UTS2B: variants seen among roughly 807,000 people sequenced by gnomAD.
UTS2B encodes urotensin-2B.
A neutral mutation model predicts 19.2 loss-of-function variants in UTS2B; 21 were observed. That is an observed-to-expected ratio of 1.09 (90% CI 0.78 to 1.58). UTS2B has a LOEUF of 1.58. UTS2B is among the 40% of genes most tolerant of loss of function. The pLI, the probability that UTS2B is intolerant of heterozygous loss-of-function variation, is 0.00. For missense variants in UTS2B, 138 were observed against 130.3 expected, an observed-to-expected ratio of 1.06 and a Z score of -0.29; for synonymous variants, 57 against 50.2, an observed-to-expected ratio of 1.14 and a Z score of -0.58.
chr3:191,329,626 G>C (rs552812594), intron 1 of UTS2B: 4 of 1,582,028 alleles, frequency 2.5e-6, no homozygotes, highest in Non-Finnish European at 2.6e-6. Flanking sequence ...CGGCGCCGGC[G>C]GTGACCGGGA....
upstream of UTS2B, among the ~76,000 whole-genome samples, chr3:191,333,910 A>G (rs558116131): frequency 5.0e-4 from 76 of 152,292 alleles, no homozygotes; most frequent in African/African-American, 1.8e-3. Context: ...AATAGAATTC[A>G]TTCAACATAG....
At chr3:191,275,798 G>C (rs150914808) in intron 7 of UTS2B, among the ~76,000 whole-genome samples, 1 of 151,944 alleles carries the variant, frequency 6.6e-6, no homozygotes, top group Non-Finnish European at 1.5e-5. Context: ...AGAGAAAAAG[G>C]GGGAAATAGA....
At chr3:191,336,520 T>C in the UTS2B span, among the ~76,000 whole-genome samples, 1 of 152,014 alleles carries the variant, frequency 6.6e-6, no homozygotes, top group African/African-American at 2.4e-5. Context: ...TCGACTATTT[T>C]CTTATTATTG....
At chr3:191,285,782 C>T (rs1003251123) in intron 4 of UTS2B, among the ~76,000 whole-genome samples, 5 of 151,916 alleles carry the variant, frequency 3.3e-5, no homozygotes, top group African/African-American at 1.2e-4. Flanking sequence ...GCCTACAGTC[C>T]CAGCTACTTG....
chr3:191,311,865 T>A (rs868240097), intron 3 of UTS2B, among the ~76,000 whole-genome samples: 2 of 151,948 alleles, frequency 1.3e-5, no homozygotes, highest in African/African-American at 4.8e-5. Flanking sequence ...CTTGGCCAAG[T>A]GCAGTGGCTC....
chr3:191,279,747 C>T (rs555757200), intron 5 of UTS2B, among the ~76,000 whole-genome samples: 2 of 152,030 alleles, frequency 1.3e-5, no homozygotes, highest in East Asian at 3.9e-4. Context: ...ATCACTATCT[C>T]TTAAGAAAAA....
intron 8 of UTS2B, among the ~76,000 whole-genome samples, chr3:191,271,559 GT>G: frequency 6.6e-6 from 1 of 152,106 alleles, no homozygotes; most frequent in South Asian, 2.1e-4. Flanking sequence ...CCCAGAAACA[GT>G]TTTTTTACTT....
At chr3:191,277,330 T>C (rs1385211725) in intron 6 of UTS2B, among the ~76,000 whole-genome samples, 2 of 152,140 alleles carry the variant, frequency 1.3e-5, no homozygotes, top group Non-Finnish European at 2.9e-5. Context: ...TAAGAATATA[T>C]TACTTTTAGT....
chr3:191,282,091 G>C lies in UTS2B; in HGVS notation c.99C>G (p.Thr33=), dbSNP rs756916389. 1 of 1,606,648 alleles carries C rather than the reference G, an allele frequency of 6.2e-7. No homozygotes were observed. The highest frequency in any genetic ancestry group is 2.2e-5 in the East Asian group (1 of 44,782). The change falls in exon 5 of 9, where the codon ACC becomes ACG. Residue 33 remains threonine (T), a synonymous_variant. Transcript: ENST00000340524. The part of the protein sequence containing the change: ...LQSVHGRPYL[T]QGNEIFPDKK... ...TTTTAATTGATATGCACGTACCTTG[G>C]GTAAGATATGGTCGTCCATGCACAG...
At position 191,267,580 on chromosome 3, in the gene UTS2B, G is replaced by A. The variant is rs1031298953; in HGVS notation, c.*836C>T. On this transcript the variant is annotated 3_prime_UTR_variant, in exon 9 of 9. Transcript: ENST00000340524. The stretch of plus-strand genomic sequence containing the variant: ...AGATAGTGAAAGCTGGGTCCAGGGG[G>A]GTCACCACCTTCTGGTCCCATGGTG... The A allele has an allele frequency of 6.6e-6, 1 of 152,120 alleles. No individual in the cohort carries two copies. Among genetic ancestry groups the A allele is most frequent in the Non-Finnish European group, 1.5e-5 (1 of 68,036 alleles). The allele number at this position is 152,120 out of a possible 1,614,324, so 9.4% of individuals were successfully genotyped here.
intron 2 of UTS2B, among the ~76,000 whole-genome samples, chr3:191,325,267 T>TA (rs1717716093): frequency 6.6e-6 from 1 of 152,106 alleles, no homozygotes; most frequent in Non-Finnish European, 1.5e-5. Context: ...AATTTGAGGA[T>TA]ATGAGCTTTA....
the UTS2B span, among the ~76,000 whole-genome samples, chr3:191,339,032 C>G: frequency 3.9e-5 from 6 of 152,078 alleles, no homozygotes; most frequent in Admixed American, 1.3e-4. Context: ...GGGGGGAAGG[C>G]TCTTACACAG....
At chr3:191,328,371 A>G (rs967358113) in intron 2 of UTS2B, 4 of 152,260 alleles carry the variant, frequency 2.6e-5, no homozygotes, top group African/African-American at 9.6e-5. Flanking sequence ...TACTGTGGTA[A>G]CATCAGAACA....
upstream of UTS2B, among the ~76,000 whole-genome samples, chr3:191,334,194 A>G (rs1347400): frequency 0.68 from 103,504 of 152,022 alleles, 36,913 homozygotes; most frequent in East Asian, 0.92. Flanking sequence ...AAAATTTTCC[A>G]TGGTACATGA....
chr3:191,323,714 C>T (rs1366265919), intron 2 of UTS2B, among the ~76,000 whole-genome samples: 4 of 152,092 alleles, frequency 2.6e-5, no homozygotes, highest in African/African-American at 9.7e-5. Context: ...TCAAAATGAG[C>T]TGTCAAATTT....
chr3:191,295,789 C>T (rs1276798586), intron 4 of UTS2B, among the ~76,000 whole-genome samples: 1 of 150,138 alleles, frequency 6.7e-6, no homozygotes, highest in Non-Finnish European at 1.5e-5. Flanking sequence ...CTCTCTGTTG[C>T]GTCTTCTTTT....
upstream of UTS2B, among the ~76,000 whole-genome samples, chr3:191,331,683 A>C (rs1717990396): frequency 6.6e-6 from 1 of 152,178 alleles, no homozygotes; most frequent in Non-Finnish European, 1.5e-5. Context: ...TATACTAGGA[A>C]TGTCCTACTA....
chr3:191,303,950 A>C (rs1717067950), intron 4 of UTS2B, among the ~76,000 whole-genome samples: 1 of 152,116 alleles, frequency 6.6e-6, no homozygotes, highest in Non-Finnish European at 1.5e-5. Context: ...ATATTGCAGA[A>C]GAAAGAATTG....
rs1717440746 is a variant in UTS2B at position 191,316,116 on chromosome 3, A to ATGTCAGC, written c.-269_-263dup. 1 of 152,230 alleles carries ATGTCAGC rather than the reference A, an allele frequency of 6.6e-6. No individual in the cohort carries two copies. The highest frequency in any genetic ancestry group is 1.5e-5 in the Non-Finnish European group (1 of 68,086). The allele number at this position is 152,230 out of a possible 1,614,324, so 9.4% of individuals were successfully genotyped here. A position where few individuals can be genotyped will look rare whatever the true frequency, so the allele number is the denominator to read the frequency against. On this transcript the variant is annotated 5_prime_UTR_variant, in exon 3 of 9. Coordinates refer to ENST00000340524, the MANE Select transcript of UTS2B (RefSeq NM_198152.5). ...TCCAAAGTGGTTGGCAATCAGCTAG[A>ATGTCAGC]TGTCAGCTGTCAGCTGGGAGCTCCA...
Sources: allele counts gnomAD v4.1 joint callset (sites outside exome capture counted in the v4.1 genomes callset), GRCh38; gene constraint gnomAD v4.1.1; transcripts MANE v1.5; gene names NCBI Gene and HGNC (gene_info 2026-07-23, HGNC 2026-07-21).